NDST4: variants seen among roughly 807,000 people sequenced by gnomAD.
NDST4 encodes the protein N-heparan sulfate sulfotransferase 4.
A neutral mutation model predicts 100.8 loss-of-function variants in NDST4; 63 were observed. The ratio of observed to expected loss-of-function variants is 0.62; its 90% CI spans 0.51 to 0.77. The LOEUF is 0.77. Ranked by LOEUF, NDST4 falls within the 30% of genes least tolerant of loss-of-function variation. NDST4 has a pLI of 0.00. For missense variants in NDST4, 943 were observed against 1,018.4 expected (o/e 0.93, Z 1.01); for synonymous variants, 377 against 361.8 (o/e 1.04, Z -0.48).
chr4:114,919,085 TTAAA>T (rs1335357151), intron 6 of NDST4, among the ~76,000 whole-genome samples: 1 of 152,206 alleles, frequency 6.6e-6, no homozygotes, highest in Non-Finnish European at 1.5e-5. Flanking sequence ...CATTTGCATA[TTAAA>T]TATTTAAAAT....
intron 7 of NDST4, among the ~76,000 whole-genome samples, chr4:114,865,652 G>A (rs1176056552): frequency 6.6e-6 from 1 of 152,040 alleles, no homozygotes; most frequent in African/African-American, 2.4e-5. Flanking sequence ...AATTTAGAAA[G>A]TATTGCCACT....
intron 7 of NDST4, among the ~76,000 whole-genome samples, chr4:114,862,271 C>T (rs763850431): frequency 2.0e-4 from 31 of 152,082 alleles, no homozygotes; most frequent in Non-Finnish European, 3.7e-4. Flanking sequence ...TCATGGCAGT[C>T]CCAGAAGCTA....
At chr4:114,855,929 G>A (rs1422389692) in intron 7 of NDST4, among the ~76,000 whole-genome samples, 1 of 152,082 alleles carries the variant, frequency 6.6e-6, no homozygotes, top group Non-Finnish European at 1.5e-5. Context: ...CTATAAAATT[G>A]TCTTCAATCC....
Position 114,845,907 on chromosome 4 carries a change from T to G in NDST4, c.2031A>C (p.Pro677=). 2 of 1,614,146 alleles carry G rather than the reference T, an allele frequency of 1.2e-6. No homozygotes were observed. The highest frequency in any genetic ancestry group is 1.7e-6 in the Non-Finnish European group (2 of 1,179,980). The change falls in exon 10 of 14, where the codon CCA becomes CCC. Residue 677 remains proline (P), a synonymous_variant. Transcript: ENST00000264363. The part of the protein sequence containing the change: ...SANYFHSEEA[P]RRAASLVPKA... The stretch of plus-strand genomic sequence containing the variant: ...TGGGGACAAGAGATGCGGCTCGTCT[T>G]GGAGCTTCTTCCGAATGGAAGTAAT...
intron 11 of NDST4, among the ~76,000 whole-genome samples, chr4:114,837,279 G>C (rs2126182285): frequency 6.6e-6 from 1 of 152,202 alleles, no homozygotes; most frequent in East Asian, 1.9e-4. Flanking sequence ...CTTTGAGGCT[G>C]ATAACCTTTG....
At chr4:114,938,113 G>T (rs1004561215) in intron 4 of NDST4, among the ~76,000 whole-genome samples, 39 of 152,132 alleles carry the variant, frequency 2.6e-4, no homozygotes, top group African/African-American at 8.9e-4. Context: ...AATAAAGGCT[G>T]TGCATTAGGA....
intron 6 of NDST4, among the ~76,000 whole-genome samples, chr4:114,897,200 C>T (rs536566227): frequency 1.6e-4 from 24 of 152,170 alleles, no homozygotes; most frequent in African/African-American, 4.6e-4. Context: ...CATAATAGTT[C>T]TGGAGCCCTA....
chr4:115,062,490 A>G (rs1358196775), intron 2 of NDST4, among the ~76,000 whole-genome samples: 1 of 151,906 alleles, frequency 6.6e-6, no homozygotes, highest in African/African-American at 2.4e-5. Context: ...ATATTGATAT[A>G]TTTAACTACA....
chr4:115,072,517 A>G (rs551462776), intron 2 of NDST4, among the ~76,000 whole-genome samples: 15 of 152,194 alleles, frequency 9.9e-5, no homozygotes, highest in Non-Finnish European at 5.9e-5. Context: ...AAAATAGTGA[A>G]CACAGAAATA....
At chr4:114,848,190 A>G in intron 9 of NDST4, 25 bp downstream of exon 9, 2 of 1,578,600 alleles carry the variant, frequency 1.3e-6, no homozygotes, top group Non-Finnish European at 1.7e-6. Flanking sequence ...TAATAATGGA[A>G]TTTATTTTTT....
At chr4:114,955,225 G>T (rs1445405630) in intron 4 of NDST4, among the ~76,000 whole-genome samples, 1 of 152,140 alleles carries the variant, frequency 6.6e-6, no homozygotes, top group East Asian at 1.9e-4. Context: ...GAAGCTCAGG[G>T]GAACCTTGGG....
At chr4:114,937,175 C>G in intron 5 of NDST4, 143 bp downstream of exon 5, 1 of 858,378 alleles carries the variant, frequency 1.2e-6, no homozygotes, top group East Asian at 2.6e-5. Flanking sequence ...AATGCATAAC[C>G]AGTCACCATT....
At chr4:114,871,625 A>G (rs1180359252) in intron 6 of NDST4, among the ~76,000 whole-genome samples, 2 of 152,044 alleles carry the variant, frequency 1.3e-5, no homozygotes, top group Non-Finnish European at 2.9e-5. Context: ...ACATAATCTA[A>G]TATTTAGTTC....
chr4:114,962,561 A>G (rs1249099551), intron 4 of NDST4, among the ~76,000 whole-genome samples: 2 of 152,058 alleles, frequency 1.3e-5, no homozygotes, highest in East Asian at 3.8e-4. Flanking sequence ...TTTGTTTATA[A>G]TAGCATCAAA....
intron 2 of NDST4, among the ~76,000 whole-genome samples, chr4:115,039,951 C>G (rs2046051): frequency 0.81 from 122,837 of 151,904 alleles, 50,349 homozygotes; most frequent in African/African-American, 0.94. Flanking sequence ...CCAATACTAA[C>G]ATGTAAGTGG....
At chr4:114,955,573 C>A (rs1476260447) in intron 4 of NDST4, among the ~76,000 whole-genome samples, 3 of 152,170 alleles carry the variant, frequency 2.0e-5, no homozygotes, top group Non-Finnish European at 4.4e-5. Flanking sequence ...AATAAAGATG[C>A]TGCTGCCATA....
intron 2 of NDST4, among the ~76,000 whole-genome samples, chr4:115,072,717 C>T (rs1352207150): frequency 6.6e-6 from 1 of 151,904 alleles, no homozygotes; most frequent in Non-Finnish European, 1.5e-5. Flanking sequence ...ATTGTAGGAT[C>T]TAAGCCCATA....
intron 4 of NDST4, among the ~76,000 whole-genome samples, chr4:114,946,826 AACATT>A (rs763579262): frequency 6.6e-6 from 1 of 152,220 alleles, no homozygotes; most frequent in South Asian, 2.1e-4. Context: ...TTTACATAAA[AACATT>A]GTTATGATGA....
intron 1 of NDST4, among the ~76,000 whole-genome samples, chr4:115,110,455 C>A (rs763975477): frequency 6.6e-6 from 1 of 151,904 alleles, no homozygotes; most frequent in Non-Finnish European, 1.5e-5. Flanking sequence ...TCTGGGGGTA[C>A]GTAATGAGAG....
Sources: allele counts gnomAD v4.1 joint callset (sites outside exome capture counted in the v4.1 genomes callset), GRCh38; gene constraint gnomAD v4.1.1; transcripts MANE v1.5; gene names NCBI Gene and HGNC (gene_info 2026-07-23, HGNC 2026-07-21).